The following PPP1R14C variants were observed in gnomAD, a reference collection of about 807,000 sequenced individuals.
The protein encoded by PPP1R14C is protein phosphatase 1 regulatory subunit 14C.
Under a neutral mutation model 20.4 loss-of-function variants are expected in PPP1R14C, and 16 were observed. That is an observed-to-expected ratio of 0.78 (90% CI 0.53 to 1.19). The LOEUF is 1.19. PPP1R14C is among the 50% of genes most tolerant of loss of function. The pLI is 0.00. For synonymous variants in PPP1R14C, 91 were observed against 91.0 expected, an observed-to-expected ratio of 1.00 and a Z score of 0.00; for missense variants, 211 against 220.1, an observed-to-expected ratio of 0.96 and a Z score of 0.26.
At chr6:150,216,447 A>T (rs1778093973) in intron 2 of PPP1R14C, among the ~76,000 whole-genome samples, 1 of 152,144 alleles carries the variant, frequency 6.6e-6, no homozygotes. Flanking sequence ...ATGAGCTGAG[A>T]TCGCACCACT....
intron 1 of PPP1R14C, among the ~76,000 whole-genome samples, chr6:150,144,235 G>A (rs7751269): frequency 0.022 from 3,362 of 152,284 alleles, 53 homozygotes; most frequent in Non-Finnish European, 0.036. Flanking sequence ...AGCCCTGCGG[G>A]GGGCCTGCGG....
intron 1 of PPP1R14C, among the ~76,000 whole-genome samples, chr6:150,168,169 T>A (rs1244118237): frequency 2.4e-5 from 3 of 124,378 alleles, no homozygotes; most frequent in South Asian, 6.1e-4. Context: ...TTTTTTTTTT[T>A]TGTCTTTGAG....
intron 1 of PPP1R14C, among the ~76,000 whole-genome samples, chr6:150,166,466 C>T (rs1364049520): frequency 3.9e-5 from 6 of 152,134 alleles, no homozygotes; most frequent in African/African-American, 1.2e-4. Context: ...TTGGTGACAC[C>T]AGGGGCTGGG....
intron 1 of PPP1R14C, among the ~76,000 whole-genome samples, chr6:150,200,401 C>G (rs1562267718): frequency 6.6e-6 from 1 of 152,120 alleles, no homozygotes; most frequent in African/African-American, 2.4e-5. Context: ...TCCCTTTTCT[C>G]CCTCCCTTGT....
chr6:150,197,259 C>T (rs555669750), intron 1 of PPP1R14C, among the ~76,000 whole-genome samples: 11 of 152,272 alleles, frequency 7.2e-5, no homozygotes, highest in Admixed American at 4.6e-4. Context: ...GCTCTGCTCC[C>T]GCCTGCGGCA....
chr6:150,165,654 T>TAAA (rs1372258032), intron 1 of PPP1R14C, among the ~76,000 whole-genome samples: 4 of 152,244 alleles, frequency 2.6e-5, no homozygotes, highest in Non-Finnish European at 5.9e-5. Context: ...AAACACTCAG[T>TAAA]GCAAGGAGGG....
chr6:150,144,016 T>C (rs1777154417), intron 1 of PPP1R14C, among the ~76,000 whole-genome samples: 1 of 152,190 alleles, frequency 6.6e-6, no homozygotes. Context: ...GTTCTTGAAA[T>C]TCCCCGTGAA....
intron 3 of PPP1R14C, among the ~76,000 whole-genome samples, chr6:150,218,475 C>CAT (rs1491357681): frequency 1.8e-5 from 1 of 55,898 alleles, no homozygotes; most frequent in Non-Finnish European, 3.2e-5. Context: ...TACATCTGAA[C>CAT]CCCCCCCCCC....
intron 3 of PPP1R14C, among the ~76,000 whole-genome samples, chr6:150,242,094 C>T (rs1778438591): frequency 6.6e-6 from 1 of 151,840 alleles, no homozygotes; most frequent in African/African-American, 2.4e-5. Context: ...CTTTCAAAAC[C>T]TCCCCTCAAA....
At chr6:150,170,879 T>C (rs1777490881) in intron 1 of PPP1R14C, among the ~76,000 whole-genome samples, 1 of 152,036 alleles carries the variant, frequency 6.6e-6, no homozygotes, top group African/African-American at 2.4e-5. Context: ...TTTATGACTA[T>C]AAAATTAACT....
At chr6:150,227,376 G>A (rs930306904) in intron 3 of PPP1R14C, among the ~76,000 whole-genome samples, 6 of 152,172 alleles carry the variant, frequency 3.9e-5, no homozygotes, top group African/African-American at 1.4e-4. Flanking sequence ...AGTAAACTAT[G>A]GTGGAAATTT....
chr6:150,191,922 A>C (rs9371810), intron 1 of PPP1R14C, among the ~76,000 whole-genome samples: 5,508 of 152,282 alleles, frequency 0.036, 200 homozygotes, highest in East Asian at 0.12. Context: ...TTTGAGGTGT[A>C]GATAGGGAAA....
intron 3 of PPP1R14C, 125 bp downstream of exon 3, chr6:150,216,981 C>T: frequency 1.5e-6 from 1 of 680,482 alleles, no homozygotes; most frequent in Non-Finnish European, 2.5e-6. Flanking sequence ...CAATTATTAT[C>T]CATGAGTGCA....
intron 1 of PPP1R14C, among the ~76,000 whole-genome samples, chr6:150,206,360 G>A (rs1225112511): frequency 6.6e-6 from 1 of 152,148 alleles, no homozygotes; most frequent in African/African-American, 2.4e-5. Context: ...TTTGTCAATT[G>A]TTTATTCCTT....
At chr6:150,247,583 A>G (rs1432948087) in intron 3 of PPP1R14C, among the ~76,000 whole-genome samples, 3 of 152,240 alleles carry the variant, frequency 2.0e-5, no homozygotes, top group East Asian at 1.9e-4. Context: ...ACCAGAGTGC[A>G]TGGCATGTAG....
intron 2 of PPP1R14C, among the ~76,000 whole-genome samples, chr6:150,216,450 G>T (rs545253995): frequency 6.6e-6 from 1 of 151,894 alleles, no homozygotes; most frequent in Admixed American, 6.6e-5. Context: ...AGCTGAGATC[G>T]CACCACTGCA....
intron 1 of PPP1R14C, among the ~76,000 whole-genome samples, chr6:150,200,711 G>C (rs945083688): frequency 6.6e-6 from 1 of 152,186 alleles, no homozygotes; most frequent in African/African-American, 2.4e-5. Flanking sequence ...CCAGCTGGGG[G>C]ATTAACATGT....
rs550403895 is a variant in PPP1R14C at position 150,177,377 on chromosome 6, G to A, written c.306+33879G>A. On this transcript the variant is annotated intron_variant, in intron 1 of 3. Transcript: ENST00000361131. ...GAGTGTTGGGGCCAGATTTATATTG[G>A]GAAGGAAACTATCTTGGTAGATAAG... Among the ~76,000 whole-genome samples the A allele has an allele frequency of 2.0e-5, 3 of 152,268 alleles. No homozygotes were observed. In the South Asian group the frequency reaches 6.2e-4, roughly 32 times the overall value.
intron 1 of PPP1R14C, among the ~76,000 whole-genome samples, chr6:150,157,387 T>C (rs894749182): frequency 6.6e-6 from 1 of 152,216 alleles, no homozygotes; most frequent in Admixed American, 6.5e-5. Context: ...GAAAAGTTTC[T>C]AAGTATGGCT....
Sources: allele counts gnomAD v4.1 joint callset (sites outside exome capture counted in the v4.1 genomes callset), GRCh38; gene constraint gnomAD v4.1.1; transcripts MANE v1.5; gene names NCBI Gene and HGNC (gene_info 2026-07-23, HGNC 2026-07-21).